The following KCNH8 variants were observed in gnomAD, a reference collection of about 807,000 sequenced individuals.
The protein encoded by KCNH8 is voltage-gated delayed rectifier potassium channel KCNH8.
Under a neutral mutation model 103.6 loss-of-function variants are expected in KCNH8, and 70 were observed. The observed-to-expected ratio is 0.68, with a 90% CI of 0.56 to 0.82. The LOEUF is 0.82. KCNH8 is among the 40% of genes least tolerant of loss of function. KCNH8 has a pLI of 0.00. For synonymous variants in KCNH8, 498 were observed against 489.4 expected, an observed-to-expected ratio of 1.02 and a Z score of -0.23; for missense variants, 1,217 against 1,329.9, an observed-to-expected ratio of 0.92 and a Z score of 1.32.
At chr3:19,488,337 G>A (rs1250855931) in intron 11 of KCNH8, among the ~76,000 whole-genome samples, 3 of 152,212 alleles carry the variant, frequency 2.0e-5, no homozygotes, top group Non-Finnish European at 4.4e-5. Flanking sequence ...TTTCCGCCTG[G>A]CCTGGTGTTC....
intron 11 of KCNH8, among the ~76,000 whole-genome samples, chr3:19,503,268 T>A (rs2068625276): frequency 6.6e-6 from 1 of 151,616 alleles, no homozygotes; most frequent in South Asian, 2.1e-4. Context: ...CATTAAAAAG[T>A]CAGGAAACAA....
At chr3:19,307,809 T>G (rs1035698280) in intron 3 of KCNH8, among the ~76,000 whole-genome samples, 1 of 151,908 alleles carries the variant, frequency 6.6e-6, no homozygotes, top group Non-Finnish European at 1.5e-5. Context: ...ATAAACAGTA[T>G]GTGTTCTCAC....
chr3:19,181,799 C>T (rs761339212), intron 1 of KCNH8, among the ~76,000 whole-genome samples: 19 of 152,230 alleles, frequency 1.2e-4, no homozygotes, highest in South Asian at 4.1e-4. Flanking sequence ...TCCCTAATCT[C>T]GGCTGACAGT....
At chr3:19,430,826 A>T (rs2067109686) in intron 7 of KCNH8, among the ~76,000 whole-genome samples, 1 of 152,128 alleles carries the variant, frequency 6.6e-6, no homozygotes, top group Admixed American at 6.5e-5. Context: ...ACTTTTGCAC[A>T]TTGATTTTGT....
intron 5 of KCNH8, 85 bp downstream of exon 5, chr3:19,348,050 A>G (rs1559486166): frequency 9.3e-6 from 14 of 1,509,484 alleles, no homozygotes; most frequent in Non-Finnish European, 1.1e-5. Flanking sequence ...AATTTGAACT[A>G]AGATCCATTT....
At chr3:19,258,947 C>CTATATATATATATATATATATATA (rs71055060) in intron 2 of KCNH8, among the ~76,000 whole-genome samples, 1 of 24,792 alleles carries the variant, frequency 4.0e-5, no homozygotes, top group Non-Finnish European at 8.0e-5. Flanking sequence ...CTCTCTCTCT[C>CTATATATATATATATATATATATA]TATATATATA....
At chr3:19,352,722 A>G (rs1485398630) in intron 5 of KCNH8, among the ~76,000 whole-genome samples, 1 of 152,200 alleles carries the variant, frequency 6.6e-6, no homozygotes, top group Non-Finnish European at 1.5e-5. Context: ...TCTCTGGGAC[A>G]CATTTAAAGC....
At chr3:19,222,711 G>A (rs1030862231) in intron 1 of KCNH8, among the ~76,000 whole-genome samples, 3 of 151,984 alleles carry the variant, frequency 2.0e-5, no homozygotes, top group Non-Finnish European at 2.9e-5. Flanking sequence ...TCTAGTGTAA[G>A]CCAGTTGTAG....
intron 5 of KCNH8, among the ~76,000 whole-genome samples, chr3:19,378,066 G>C (rs1450766466): frequency 1.3e-5 from 2 of 152,126 alleles, no homozygotes; most frequent in African/African-American, 4.8e-5. Flanking sequence ...GTTGGGGGCG[G>C]TTCTCTTAGA....
At chr3:19,327,228 A>G (rs1323239142) in intron 3 of KCNH8, among the ~76,000 whole-genome samples, 1 of 152,180 alleles carries the variant, frequency 6.6e-6, no homozygotes, top group African/African-American at 2.4e-5. Context: ...ACCTCTATCT[A>G]TTGGTAGGAA....
intron 5 of KCNH8, among the ~76,000 whole-genome samples, chr3:19,350,909 C>T (rs932295468): frequency 1.3e-5 from 2 of 152,046 alleles, no homozygotes; most frequent in South Asian, 2.1e-4. Context: ...AAGACGGCTT[C>T]AGACAATCGG....
intron 11 of KCNH8, among the ~76,000 whole-genome samples, chr3:19,458,478 C>T (rs1223489823): frequency 6.6e-6 from 1 of 151,750 alleles, no homozygotes; most frequent in Non-Finnish European, 1.5e-5. Context: ...ATTAAGGATC[C>T]TTATCTTTTT....
intron 7 of KCNH8, among the ~76,000 whole-genome samples, chr3:19,399,744 CT>C (rs770210254): frequency 3.3e-5 from 5 of 151,900 alleles, no homozygotes; most frequent in African/African-American, 4.8e-5. Context: ...CCTGTTCAAA[CT>C]TATATCGATG....
intron 12 of KCNH8, 66 bp downstream of exon 12, chr3:19,510,467 T>C (rs559937507): frequency 6.1e-6 from 6 of 980,596 alleles, no homozygotes. Context: ...AAATCTGTCT[T>C]GTCTTTCTCT....
chr3:19,196,069 G>C (rs1436548195), intron 1 of KCNH8, among the ~76,000 whole-genome samples: 2 of 151,846 alleles, frequency 1.3e-5, no homozygotes, highest in Non-Finnish European at 2.9e-5. Flanking sequence ...AAAGTACTCT[G>C]TCTGAAACTC....
intron 2 of KCNH8, among the ~76,000 whole-genome samples, chr3:19,259,462 A>G (rs977116742): frequency 6.6e-6 from 1 of 151,826 alleles, no homozygotes; most frequent in African/African-American, 2.4e-5. Context: ...TAACCCTTCA[A>G]ATAAATATGG....
chr3:19,259,347 A>T (rs1430811014), intron 2 of KCNH8, among the ~76,000 whole-genome samples: 1 of 151,944 alleles, frequency 6.6e-6, no homozygotes, highest in Non-Finnish European at 1.5e-5. Flanking sequence ...ATTTGTTTTA[A>T]GCTTTTTTTA....
In KCNH8 at chr3:19,263,599, T is replaced by A. The variant is rs868349986; in HGVS notation, c.310+9712T>A. On this transcript the variant is annotated intron_variant, in intron 2 of 15. Coordinates refer to ENST00000328405, the MANE Select transcript of KCNH8 (RefSeq NM_144633.3). ...TCGTCAGCATGGTGGGTTTGGGTAG[T>A]CGCTAGTCTGGTAGTCTAGTGTTTC... is the stretch of plus-strand genomic sequence containing the variant. 9.9e-5 allele frequency among the ~76,000 whole-genome samples: 15 copies of A among 152,184 alleles called. No homozygotes were observed. The South Asian group carries it at 3.1e-3, about 32-fold the overall frequency.
chr3:19,375,604 CT>C (rs2066182152), intron 5 of KCNH8, among the ~76,000 whole-genome samples: 1 of 151,970 alleles, frequency 6.6e-6, no homozygotes, highest in Non-Finnish European at 1.5e-5. Flanking sequence ...CTTCTCTCAG[CT>C]CGTCAAAGTC....
Sources: allele counts gnomAD v4.1 joint callset (sites outside exome capture counted in the v4.1 genomes callset), GRCh38; gene constraint gnomAD v4.1.1; transcripts MANE v1.5; gene names NCBI Gene and HGNC (gene_info 2026-07-23, HGNC 2026-07-21).